MTG1: variants seen among roughly 807,000 people sequenced by gnomAD.
MTG1 encodes the protein mitochondrial ribosome-associated GTPase 1.
MTG1 carries 30 observed loss-of-function variants against 39.5 expected under a neutral mutation model. The ratio of observed to expected loss-of-function variants is 0.76; its 90% CI spans 0.57 to 1.03. The LOEUF (loss-of-function observed/expected upper bound fraction) is 1.03. MTG1 is among the 50% of genes least tolerant of loss of function. The probability of loss-of-function intolerance (pLI) is 0.00; values close to 1 mark genes in which losing one functional copy is unlikely to be tolerated. For synonymous variants in MTG1, 217 were observed against 179.0 expected, an observed-to-expected ratio of 1.21 and a Z score of -1.69; for missense variants, 513 against 447.4, an observed-to-expected ratio of 1.15 and a Z score of -1.32.
At chr10:133,411,306 C>A (rs1332734011) in intron 9 of MTG1, among the ~76,000 whole-genome samples, 3 of 152,140 alleles carry the variant, frequency 2.0e-5, no homozygotes, top group Non-Finnish European at 2.9e-5. Flanking sequence ...TACATTGGAG[C>A]TCTTTTATAA....
intron 9 of MTG1, among the ~76,000 whole-genome samples, chr10:133,409,038 C>A (rs1353966833): frequency 6.8e-6 from 1 of 148,090 alleles, no homozygotes; most frequent in East Asian, 2.0e-4. Flanking sequence ...TCATTTATTT[C>A]TGCTCTGGTC....
At chr10:133,419,246 C>T (rs545231186) in intron 9 of MTG1, among the ~76,000 whole-genome samples, 3 of 152,220 alleles carry the variant, frequency 2.0e-5, no homozygotes, top group African/African-American at 4.8e-5. Context: ...ATGCTGCTGG[C>T]CGTGGCCACA....
intron 9 of MTG1, among the ~76,000 whole-genome samples, chr10:133,407,052 A>G (rs1359739127): frequency 6.6e-6 from 1 of 152,130 alleles, no homozygotes; most frequent in East Asian, 1.9e-4. Context: ...TTTATGGGAG[A>G]GACTGTCCTT....
chr10:133,396,002 A>G (rs993594008), intron 2 of MTG1, among the ~76,000 whole-genome samples, 161 bp from the exon 3 acceptor site: 5 of 152,246 alleles, frequency 3.3e-5, no homozygotes, highest in Non-Finnish European at 7.3e-5. Context: ...GGAATCCTCT[A>G]GATGGGCTAT....
intron 3 of MTG1, among the ~76,000 whole-genome samples, chr10:133,397,214 ATGGCG>A (rs1434967977): frequency 6.6e-6 from 1 of 152,188 alleles, no homozygotes; most frequent in African/African-American, 2.4e-5. Context: ...AGCAGAAATA[ATGGCG>A]TAAGCTGTCT....
chr10:133,404,840 C>T (rs983231472), intron 9 of MTG1, among the ~76,000 whole-genome samples: 7 of 152,110 alleles, frequency 4.6e-5, no homozygotes, highest in African/African-American at 1.4e-4. Flanking sequence ...TGTCGCAAAT[C>T]GGTTGTCCAT....
In MTG1 at chr10:133,420,432, G is replaced by T; in HGVS notation, c.*267G>T. The T allele has an allele frequency of 2.4e-6, 1 of 420,244 alleles. No homozygotes were observed. Among genetic ancestry groups the T allele is most frequent in the Non-Finnish European group, 4.2e-6 (1 of 238,430 alleles). The allele number at this position is 420,244 out of a possible 1,614,324, so 26.0% of individuals were successfully genotyped here. A position where few individuals can be genotyped will look rare whatever the true frequency, so the allele number is the denominator to read the frequency against. ...CCGGAGCTTCCTGCTCAGGCCTCTTGAGAAATGGATGCTGTCTCAGAAGGA... is the reference window on the plus strand; with the variant it reads ...CCGGAGCTTCCTGCTCAGGCCTCTTTAGAAATGGATGCTGTCTCAGAAGGA... On this transcript the variant is annotated 3_prime_UTR_variant, in exon 11 of 11. Transcript: ENST00000317502.
intron 3 of MTG1, among the ~76,000 whole-genome samples, chr10:133,396,691 G>A (rs1160038218): frequency 6.6e-6 from 1 of 152,072 alleles, no homozygotes; most frequent in Non-Finnish European, 1.5e-5. Flanking sequence ...CTAATCATTA[G>A]TTTGTAGCAA....
intron 9 of MTG1, among the ~76,000 whole-genome samples, chr10:133,413,006 A>G (rs980724597): frequency 2.0e-5 from 3 of 152,140 alleles, no homozygotes; most frequent in Admixed American, 6.5e-5. Flanking sequence ...GGAGATTGTT[A>G]TGTCCTCTTG....
At chr10:133,418,459 G>C (rs1437914605) in intron 9 of MTG1, among the ~76,000 whole-genome samples, 1 of 151,028 alleles carries the variant, frequency 6.6e-6, no homozygotes, top group Non-Finnish European at 1.5e-5. Flanking sequence ...GGGGTGGTCC[G>C]GGGCGCCTCC....
intron 9 of MTG1, among the ~76,000 whole-genome samples, chr10:133,414,524 C>A (rs1289446890): frequency 6.6e-6 from 1 of 151,644 alleles, no homozygotes; most frequent in African/African-American, 2.4e-5. Flanking sequence ...ACATCCCAGA[C>A]GGGGTCGCGG....
At chr10:133,405,338 A>AT (rs1483362556) in intron 9 of MTG1, among the ~76,000 whole-genome samples, 13 of 152,194 alleles carry the variant, frequency 8.5e-5, no homozygotes, top group East Asian at 1.9e-4. Context: ...ACAATGTGTA[A>AT]TGATCAGATC....
In MTG1 at chr10:133,414,581, G is replaced by A. The variant is rs560100813; in HGVS notation, c.753-4899G>A. 2.0e-5 allele frequency among the ~76,000 whole-genome samples: 3 copies of A among 152,152 alleles called. No individual in the cohort carries two copies. In the South Asian group the frequency reaches 6.2e-4, roughly 32 times the overall value. On this transcript the variant is annotated intron_variant, in intron 9 of 10. Transcript: ENST00000317502. Reference sequence around the variant, plus strand: ...ATCTCAGACGATGGGCGGCGGGGCAGAGACACTCCTCACTTCCTAGATGGG... The same window carrying A: ...ATCTCAGACGATGGGCGGCGGGGCAAAGACACTCCTCACTTCCTAGATGGG...
intron 9 of MTG1, among the ~76,000 whole-genome samples, chr10:133,410,298 C>A (rs369179054): frequency 6.6e-6 from 1 of 152,296 alleles, no homozygotes; most frequent in South Asian, 2.1e-4. Context: ...CTCAGATGAT[C>A]TTTCCACATT....
intron 9 of MTG1, among the ~76,000 whole-genome samples, chr10:133,408,636 C>T (rs1190574005): frequency 1.3e-5 from 2 of 152,194 alleles, no homozygotes; most frequent in Admixed American, 6.5e-5. Context: ...ACTAGTTCTT[C>T]CTTAACTGTT....
intron 9 of MTG1, among the ~76,000 whole-genome samples, chr10:133,405,507 C>T (rs1231293362): frequency 6.6e-6 from 1 of 152,232 alleles, no homozygotes; most frequent in Non-Finnish European, 1.5e-5. Flanking sequence ...CCCTCTTCCC[C>T]TCACCTCTGG....
chr10:133,398,108 TAAAAC>T (rs1277879968), intron 3 of MTG1, among the ~76,000 whole-genome samples: 2 of 152,214 alleles, frequency 1.3e-5, no homozygotes, highest in African/African-American at 4.8e-5. Flanking sequence ...GACAGCTAAA[TAAAAC>T]CAGCTGAATC....
chr10:133,419,981 CCTG>C (rs758420578), intron 10 of MTG1, 42 bp from the exon 11 acceptor site: 51 of 1,571,990 alleles, frequency 3.2e-5, no homozygotes, highest in Admixed American at 1.0e-4. Context: ...CTGGGCCTGT[CCTG>C]CTGTGAAGGC....
chr10:133,411,821 T>C (rs1850051591), intron 9 of MTG1, among the ~76,000 whole-genome samples: 1 of 152,106 alleles, frequency 6.6e-6, no homozygotes, highest in African/African-American at 2.4e-5. Context: ...CTCTGTTAAA[T>C]TTGTCTGACA....
Sources: gnomAD v4.1 joint callset for allele counts (sites outside exome capture counted in the v4.1 genomes callset) on GRCh38, gnomAD v4.1.1 for gene constraint, MANE v1.5 for transcripts, NCBI Gene and HGNC (gene_info 2026-07-23, HGNC 2026-07-21) for gene names.